HERC1: variants seen among roughly 807,000 people sequenced by gnomAD.
HERC1 encodes the protein HECT and RLD domain containing E3 ubiquitin protein ligase family member 1, also known as probable E3 ubiquitin-protein ligase HERC1.
In HERC1, 160 loss-of-function variants were observed where a neutral mutation model predicts 554.3. The ratio of observed to expected loss-of-function variants is 0.29; its 90% CI spans 0.25 to 0.33. The LOEUF is 0.33. HERC1 is among the 10% of genes least tolerant of loss of function. The pLI is 1.00. For synonymous variants in HERC1, 2,175 were observed against 2,131.7 expected (o/e 1.02, Z -0.56); for missense variants, 4,919 against 5,918.5 (o/e 0.83, Z 5.54).
Position 63,713,626 on chromosome 15 carries a change from C to A in HERC1, c.4190G>T (p.Arg1397Leu), listed in dbSNP as rs372333684. ...QCFLSAREVA[R>L]SRDRDRMNSG... ...GTTCATTCTATCTCGGTCTCGGCTA[C>A]GAGCTACTTCACGGGCTGAGAGGAA... The change falls in exon 23 of 78, where the codon CGT becomes CTT. Residue 1397 changes from arginine (R) to leucine (L), a missense_variant. Coordinates refer to ENST00000443617, the MANE Select transcript of HERC1 (RefSeq NM_003922.4). 6.2e-7 allele frequency: 1 copy of A among 1,612,694 alleles called. No individual in the cohort carries two copies. Among genetic ancestry groups the A allele is most frequent in the East Asian group, 2.2e-5 (1 of 44,836 alleles).
rs779181663 is a variant in HERC1, at chr15:63,663,127, C to T, written c.8758G>A (p.Ala2920Thr). The T allele has an allele frequency of 3.7e-6, 6 of 1,613,980 alleles. No homozygotes were observed. In the South Asian group the frequency reaches 5.5e-5, roughly 15 times the overall value. ...TCATCTAAATTAAAGTCATACAACGCCCCTGGGTCTTGCTGCAAAGATATT... is the reference window on the plus strand; with the variant it reads ...TCATCTAAATTAAAGTCATACAACGTCCCTGGGTCTTGCTGCAAAGATATT... ...EGISLQQDPG[A>T]LYDFNLDEEL... Residue 2920 changes from alanine (A) to threonine (T), a missense_variant, in exon 44 of 78, where the codon GCG becomes ACG. This residue lies in a region of HERC1 where 1,963 missense variants were observed against 2,228.6 expected (regional missense o/e 0.88). Coordinates refer to ENST00000443617, the MANE Select transcript of HERC1 (RefSeq NM_003922.4).
chr15:63,654,112 T>G lies in HERC1; in HGVS notation c.10290+7A>C, dbSNP rs1239986672. On this transcript the variant is annotated splice_region_variant and intron_variant, in intron 51 of 77. Transcript: ENST00000443617. ...TGATTAACACACTTTCCACTCAAAA[T>G]ACTTACTCTGTTCTGATGAGCCTCC... is the stretch of plus-strand genomic sequence containing the variant. The G allele has an allele frequency of 5.6e-6, 9 of 1,604,170 alleles. No individual in the cohort carries two copies. Among genetic ancestry groups the G allele is most frequent in the African/African-American group, 1.3e-5 (1 of 74,720 alleles).
intron 70 of HERC1, 52 bp downstream of exon 70, chr15:63,628,625 G>A: frequency 1.3e-6 from 2 of 1,544,340 alleles, no homozygotes; most frequent in South Asian, 2.5e-5. Flanking sequence ...CAGTGCCATG[G>A]GGTACTGCTA....
intron 1 of HERC1, among the ~76,000 whole-genome samples, chr15:63,821,599 G>A (rs1158626982): frequency 1.4e-5 from 2 of 146,492 alleles, no homozygotes; most frequent in Admixed American, 6.9e-5. Context: ...GGTTGTGCAC[G>A]CCTGCAGTCA....
chr15:63,777,470 G>A (rs1168942579), intron 1 of HERC1, among the ~76,000 whole-genome samples: 3 of 152,132 alleles, frequency 2.0e-5, no homozygotes, highest in Non-Finnish European at 4.4e-5. Flanking sequence ...CAGTTTGATA[G>A]CTGTACAGGG....
At chr15:63,631,227 T>C (rs945236138) in intron 68 of HERC1, among the ~76,000 whole-genome samples, 2 of 152,190 alleles carry the variant, frequency 1.3e-5, no homozygotes, top group African/African-American at 4.8e-5. Flanking sequence ...TCCCCTTACC[T>C]TGCCAAACTT....
chr15:63,659,922 A>G lies in HERC1; in HGVS notation c.9238T>C (p.Leu3080=), dbSNP rs1208550022. ...DSVYEEDWDM[L]DVDEDEKLTG... ...AGCTTTTCATCTTCATCAACATCCA[A>G]CATGTCCCAGTCTTCTGGAATTTAA... is the stretch of plus-strand genomic sequence containing the variant. The change falls in exon 47 of 78, where the codon TTG becomes CTG. Residue 3080 remains leucine (L), a synonymous_variant. Transcript: ENST00000443617. The G allele has an allele frequency of 6.2e-7, 1 of 1,610,090 alleles. No homozygotes were observed.
intron 45 of HERC1, among the ~76,000 whole-genome samples, chr15:63,661,349 A>T (rs1328402653): frequency 6.6e-6 from 1 of 152,256 alleles, no homozygotes; most frequent in African/African-American, 2.4e-5. Context: ...TCTAGGGATT[A>T]AGGATGTAAA....
intron 55 of HERC1, 45 bp downstream of exon 55, chr15:63,648,024 T>C (rs2069448526): frequency 1.4e-6 from 2 of 1,478,614 alleles, no homozygotes; most frequent in East Asian, 4.9e-5. Context: ...GTAACAAAAT[T>C]ATATTTGTAT....
intron 77 of HERC1, 111 bp from the exon 78 acceptor site, chr15:63,609,377 G>T: frequency 1.0e-6 from 1 of 968,616 alleles, no homozygotes; most frequent in Non-Finnish European, 1.5e-6. Flanking sequence ...ATGGCCACAT[G>T]GTTAAGTCAA....
intron 18 of HERC1, among the ~76,000 whole-genome samples, chr15:63,724,293 C>T (rs535557419): frequency 1.3e-5 from 2 of 151,996 alleles, no homozygotes; most frequent in African/African-American, 4.8e-5. Flanking sequence ...TGTTAAAGAC[C>T]CCTTGAAAAA....
At chr15:63,609,639 C>T (rs957049432) in intron 77 of HERC1, among the ~76,000 whole-genome samples, 2 of 152,164 alleles carry the variant, frequency 1.3e-5, no homozygotes, top group Non-Finnish European at 2.9e-5. Flanking sequence ...AGACTGGAAG[C>T]CAGCTGCAGG....
chr15:63,634,809 C>T lies in HERC1; in HGVS notation c.12494G>A (p.Arg4165His), dbSNP rs374019165. The T allele has an allele frequency of 5.0e-6, 8 of 1,613,058 alleles. No individual in the cohort carries two copies. Among genetic ancestry groups the T allele is most frequent in the East Asian group, 2.2e-5 (1 of 44,866 alleles). ...LFTFGNGDYG[R>H]LGLGNTSNKK... ...GTTAGAGGTATTTCCAAGACCCAGA[C>T]GACCATAGTCACCATTCCCAAAGGT... Residue 4165 changes from arginine to histidine, a missense_variant, in exon 66 of 78, where the codon CGT (arginine) becomes CAT (histidine). By Grantham distance (29) the Arg-to-His change is conservative. Transcript: ENST00000443617.
chr15:63,666,534 TC>T (rs2070650877), intron 40 of HERC1, 62 bp from the exon 41 acceptor site: 2 of 1,047,156 alleles, frequency 1.9e-6, no homozygotes, highest in Non-Finnish European at 2.9e-6. Context: ...GTAAAAAGTG[TC>T]TTCATAGTCC....
At chr15:63,618,595 G>T (rs1215794862) in intron 74 of HERC1, among the ~76,000 whole-genome samples, 2 of 152,088 alleles carry the variant, frequency 1.3e-5, no homozygotes, top group African/African-American at 2.4e-5. Context: ...ACCTTGGGCA[G>T]TATGGCCATT....
chr15:63,802,352 T>C (rs982466681), intron 1 of HERC1, among the ~76,000 whole-genome samples: 1 of 152,192 alleles, frequency 6.6e-6, no homozygotes, highest in South Asian at 2.1e-4. Flanking sequence ...ATTTGCTGAG[T>C]TTGCTGGCAA....
chr15:63,691,905 A>C (rs1171405318), intron 31 of HERC1, among the ~76,000 whole-genome samples: 1 of 152,250 alleles, frequency 6.6e-6, no homozygotes, highest in Non-Finnish European at 1.5e-5. Flanking sequence ...ATTTTAGCAA[A>C]AGAGAACAGG....
Position 63,775,560 on chromosome 15 carries a change from T to C in HERC1, c.64A>G (p.Thr22Ala), listed in dbSNP as rs370651981. ...WLEHLNSSWI[T>A]EDSESIATRE... ...GTAGCAATAGATTCACTGTCCTCTG[T>C]AATCCAGGAGCTGTTCAAGTGTTCA... The change falls in exon 2 of 78, where the codon ACA becomes GCA. Residue 22 changes from threonine to alanine, a missense_variant. This residue lies in a region of HERC1 where 110 missense variants were observed against 99.3 expected (regional missense o/e 1.11). Coordinates refer to ENST00000443617, the MANE Select transcript of HERC1 (RefSeq NM_003922.4). The surrounding 1 kb of genome is among the most constrained non-coding windows in gnomAD (Gnocchi z 4.0). The C allele has an allele frequency of 1.4e-4, 227 of 1,613,306 alleles. No homozygotes were observed. Among genetic ancestry groups the C allele is most frequent in the Non-Finnish European group, 1.8e-4 (210 of 1,179,616 alleles).
intron 38 of HERC1, among the ~76,000 whole-genome samples, chr15:63,674,050 CAATA>C (rs1405302768): frequency 6.6e-6 from 1 of 151,978 alleles, no homozygotes; most frequent in African/African-American, 2.4e-5. Flanking sequence ...TGAGTCAGAT[CAATA>C]AATACTTTTT....
Sources: allele counts gnomAD v4.1 joint callset (sites outside exome capture counted in the v4.1 genomes callset), GRCh38; gene constraint gnomAD v4.1.1; regional missense constraint gnomAD v4.1.1; non-coding constraint Gnocchi (gnomAD v3.1); transcripts MANE v1.5; gene names NCBI Gene and HGNC (gene_info 2026-07-23, HGNC 2026-07-21).